The following EPB41L4A variants were observed in gnomAD, a reference collection of about 807,000 sequenced individuals.
EPB41L4A encodes the protein erythrocyte membrane protein band 4.1 like 4A, also known as band 4.1-like protein 4A.
In EPB41L4A, 100 loss-of-function variants were observed where a neutral mutation model predicts 108.6. The observed-to-expected ratio is 0.92, with a 90% confidence interval of 0.78 to 1.09. The LOEUF (loss-of-function observed/expected upper bound fraction) is 1.09. Among genes scored for constraint, EPB41L4A ranks in the 50% least tolerant of loss-of-function variants. EPB41L4A has a pLI of 0.00. For missense variants in EPB41L4A, 1,030 were observed against 842.7 expected (o/e 1.22, Z -2.75); for synonymous variants, 319 against 289.0 (o/e 1.10, Z -1.05).
At chr5:112,194,911 C>CA (rs1167936818) in intron 16 of EPB41L4A, among the ~76,000 whole-genome samples, 7 of 152,096 alleles carry the variant, frequency 4.6e-5, no homozygotes, top group Admixed American at 4.6e-4. Context: ...GAACGGACCG[C>CA]AAAATCAATC....
chr5:112,410,784 C>T lies in EPB41L4A; in HGVS notation c.99+8157G>A, dbSNP rs116822280. Among the ~76,000 whole-genome samples, 767 of 152,248 alleles carry T rather than the reference C, an allele frequency of 5.0e-3. 3 individuals are homozygous for T. The highest frequency in any genetic ancestry group is 0.018 in the African/African-American group (730 of 41,520). On this transcript the variant is annotated intron_variant, in intron 1 of 22. Transcript: ENST00000261486. Reference sequence around the variant, plus strand: ...TCTAGCTAAAAGACTCAAGGGAAGTCTGCTGGAGGACTTCAGGAGAAAGCC... The same window carrying T: ...TCTAGCTAAAAGACTCAAGGGAAGTTTGCTGGAGGACTTCAGGAGAAAGCC...
At chr5:112,175,368 T>C (rs149309944) in intron 18 of EPB41L4A, 52 of 152,366 alleles carry the variant, frequency 3.4e-4, no homozygotes, top group African/African-American at 1.1e-3. Flanking sequence ...AGAACTGTAC[T>C]TCCCAATGTT....
chr5:112,170,881 T>G, intron 19 of EPB41L4A, 64 bp downstream of exon 19: 1 of 1,454,634 alleles, frequency 6.9e-7, no homozygotes, highest in Non-Finnish European at 9.6e-7. Context: ...ATCAGGAGTC[T>G]TCCTTGCAAT....
chr5:112,295,652 T>C (rs1163997899), intron 2 of EPB41L4A, among the ~76,000 whole-genome samples: 1 of 152,214 alleles, frequency 6.6e-6, no homozygotes, highest in Non-Finnish European at 1.5e-5. Context: ...AACAAAGTTG[T>C]CTTTAATAAA....
chr5:112,353,529 C>T (rs1053963453), intron 1 of EPB41L4A, among the ~76,000 whole-genome samples: 8 of 150,226 alleles, frequency 5.3e-5, no homozygotes, highest in Non-Finnish European at 7.4e-5. Flanking sequence ...AGGTGGGTAG[C>T]GTTGGTGGGG....
At chr5:112,296,185 A>C (rs1753974105) in intron 2 of EPB41L4A, among the ~76,000 whole-genome samples, 1 of 152,200 alleles carries the variant, frequency 6.6e-6, no homozygotes, top group African/African-American at 2.4e-5. Flanking sequence ...AAAGCACTTT[A>C]TTAAAAATCT....
intron 12 of EPB41L4A, among the ~76,000 whole-genome samples, chr5:112,214,146 T>C (rs75402809): frequency 2.8e-4 from 43 of 152,314 alleles, no homozygotes; most frequent in African/African-American, 8.7e-4. Flanking sequence ...CCCTCCTACA[T>C]CAGCTCAGAC....
At chr5:112,363,752 T>C (rs1758935197) in intron 1 of EPB41L4A, 1 of 152,082 alleles carries the variant, frequency 6.6e-6, no homozygotes, top group African/African-American at 2.4e-5. Context: ...AAATATTAAG[T>C]TTACAGTTTA....
chr5:112,287,399 T>A (rs1028135799), intron 2 of EPB41L4A, among the ~76,000 whole-genome samples: 4 of 152,370 alleles, frequency 2.6e-5, no homozygotes, highest in Non-Finnish European at 5.9e-5. Flanking sequence ...GTTGGCTCTA[T>A]GTTCAAAATA....
At chr5:112,155,630 A>AAAAGTCAAG (rs1377124569) in intron 12 of EPB41L4A, among the ~76,000 whole-genome samples, 1 of 152,178 alleles carries the variant, frequency 6.6e-6, no homozygotes, top group East Asian at 1.9e-4. Flanking sequence ...GAGACTGAAT[A>AAAAGTCAAG]AAAGTCAAGA....
chr5:112,224,113 G>A (rs1192397860), intron 12 of EPB41L4A, among the ~76,000 whole-genome samples: 6 of 151,958 alleles, frequency 3.9e-5, no homozygotes, highest in East Asian at 1.9e-4. Flanking sequence ...CACTGCGTCC[G>A]GCTAATTTTT....
intron 1 of EPB41L4A, among the ~76,000 whole-genome samples, chr5:112,416,447 A>G (rs1762723446): frequency 6.6e-6 from 1 of 152,146 alleles, no homozygotes; most frequent in Admixed American, 6.5e-5. Flanking sequence ...TTCATCTAAG[A>G]TAGAATAGGA....
intron 17 of EPB41L4A, among the ~76,000 whole-genome samples, chr5:112,184,855 G>C (rs11241151): frequency 3.9e-5 from 6 of 152,104 alleles, no homozygotes; most frequent in African/African-American, 1.4e-4. Flanking sequence ...TTTAAAAAAA[G>C]ATAATCCCCA....
At chr5:112,234,794 A>G (rs369010300) in intron 11 of EPB41L4A, 39 bp from the exon 12 acceptor site, 1 of 1,584,684 alleles carries the variant, frequency 6.3e-7, no homozygotes, top group Admixed American at 1.7e-5. Flanking sequence ...AGGTAAAACC[A>G]CACAGCCACA....
chr5:112,321,388 C>T (rs956776159), intron 1 of EPB41L4A, among the ~76,000 whole-genome samples: 4 of 152,270 alleles, frequency 2.6e-5, no homozygotes, highest in Admixed American at 2.0e-4. Flanking sequence ...TTTCATAATC[C>T]GGTACTTATT....
chr5:112,313,506 G>A (rs367854451), intron 1 of EPB41L4A, among the ~76,000 whole-genome samples: 7 of 152,082 alleles, frequency 4.6e-5, no homozygotes, highest in African/African-American at 1.7e-4. Flanking sequence ...CAGAAGAATC[G>A]CTTGAACCCG....
chr5:112,384,563 T>C (rs1371034769), intron 1 of EPB41L4A, among the ~76,000 whole-genome samples: 3 of 152,000 alleles, frequency 2.0e-5, no homozygotes, highest in East Asian at 1.9e-4. Flanking sequence ...TATTTTTCCT[T>C]CTCATGGAAA....
rs1040587912 is a variant in EPB41L4A at position 112,163,634 on chromosome 5, C to G, written c.*1356G>C. 1.3e-5 allele frequency: 2 copies of G among 152,052 alleles called. No homozygotes were observed. Among genetic ancestry groups the G allele is most frequent in the African/African-American group, 4.8e-5 (2 of 41,364 alleles). 9.4% of individuals were successfully genotyped at this position (152,052 alleles called of 1,614,324 possible). A position where few individuals can be genotyped will look rare whatever the true frequency, so the allele number is the denominator to read the frequency against. On this transcript the variant is annotated 3_prime_UTR_variant, in exon 23 of 23. Coordinates refer to ENST00000261486, the MANE Select transcript of EPB41L4A (RefSeq NM_022140.5). ...ATATTAGTGGAGTAGAGGGAAAGATCCATGTTAGAGATAGCTTAAGATAGG... is the reference window on the plus strand; with the variant it reads ...ATATTAGTGGAGTAGAGGGAAAGATGCATGTTAGAGATAGCTTAAGATAGG...
intron 12 of EPB41L4A, among the ~76,000 whole-genome samples, chr5:112,153,869 T>C (rs1759559984): frequency 1.4e-5 from 2 of 146,916 alleles, no homozygotes. Flanking sequence ...TTACTTATTA[T>C]TTATTATTAA....
Sources: allele counts gnomAD v4.1 joint callset (sites outside exome capture counted in the v4.1 genomes callset), GRCh38; gene constraint gnomAD v4.1.1; transcripts MANE v1.5; gene names NCBI Gene and HGNC (gene_info 2026-07-23, HGNC 2026-07-21).